The following DOCK3 variants were observed in gnomAD, a reference collection of about 807,000 sequenced individuals.
The protein encoded by DOCK3 is dedicator of cytokinesis 3.
A neutral mutation model predicts 265.6 loss-of-function variants in DOCK3; 60 were observed. That is an observed-to-expected ratio of 0.23 (90% CI 0.18 to 0.28). The LOEUF is 0.28. Among genes scored for constraint, DOCK3 ranks in the 10% least tolerant of loss-of-function variants. The pLI is 1.00. For synonymous variants in DOCK3, 881 were observed against 938.0 expected (o/e 0.94, Z 1.11); for missense variants, 1,981 against 2,594.3 (o/e 0.76, Z 5.14).
chr3:50,870,394 G>A (rs1364286626), intron 3 of DOCK3, among the ~76,000 whole-genome samples: 1 of 151,942 alleles, frequency 6.6e-6, no homozygotes, highest in East Asian at 1.9e-4. Flanking sequence ...TATAATTTTT[G>A]TCTTGAAATC....
At chr3:51,182,975 T>A (rs956943513) in intron 12 of DOCK3, among the ~76,000 whole-genome samples, 1 of 152,236 alleles carries the variant, frequency 6.6e-6, no homozygotes, top group African/African-American at 2.4e-5. Context: ...GTTTTTATAC[T>A]AATCCTGGCT....
intron 32 of DOCK3, among the ~76,000 whole-genome samples, chr3:51,328,627 G>A (rs890266860): frequency 6.6e-6 from 1 of 151,054 alleles, no homozygotes; most frequent in Non-Finnish European, 1.5e-5. Context: ...AAAAAGAGAG[G>A]CTATATTTAT....
Position 51,348,896 on chromosome 3 carries a change from G to C in DOCK3, c.3960G>C (p.Gln1320His). Residue 1320 changes from glutamine to histidine, a missense_variant, in exon 39 of 53, where the codon CAG (glutamine) becomes CAC (histidine). Gln to His is a conservative substitution (Grantham distance 24, BLOSUM62 0). Coordinates refer to ENST00000266037, the MANE Select transcript of DOCK3 (RefSeq NM_004947.5). ...GIPLCRELACQYESLYDYQSL... is the reference protein window; with the variant it reads ...GIPLCRELACHYESLYDYQSL... ...CACTGTGCAGGGAGCTGGCGTGTCA[G>C]TACGAGAGCCTCTATGATTACCAGA... The C allele has an allele frequency of 6.3e-7, 1 of 1,585,124 alleles. No individual in the cohort carries two copies. The highest frequency in any genetic ancestry group is 8.6e-7 in the Non-Finnish European group (1 of 1,165,470).
chr3:50,775,807 G>A (rs922044610), intron 1 of DOCK3, among the ~76,000 whole-genome samples: 10 of 151,452 alleles, frequency 6.6e-5, no homozygotes, highest in Non-Finnish European at 1.2e-4. Context: ...TCCTCATAGC[G>A]TAGCTCCCAC....
chr3:50,937,015 G>A (rs924251505), intron 5 of DOCK3, among the ~76,000 whole-genome samples: 4 of 152,190 alleles, frequency 2.6e-5, no homozygotes, highest in Admixed American at 6.5e-5. Flanking sequence ...GGTGGCTCAT[G>A]CCTGTAATCC....
At chr3:50,873,590 C>G (rs754952866) in intron 3 of DOCK3, among the ~76,000 whole-genome samples, 1 of 152,190 alleles carries the variant, frequency 6.6e-6, no homozygotes. Flanking sequence ...TCCACTGGCT[C>G]AGGGCCTGGT....
intron 9 of DOCK3, among the ~76,000 whole-genome samples, chr3:51,095,627 T>C (rs920819714): frequency 6.6e-6 from 1 of 151,906 alleles, no homozygotes; most frequent in Admixed American, 6.6e-5. Flanking sequence ...TTACATTTGA[T>C]CTTTATCTTC....
At chr3:51,305,588 AC>A (rs1249973382) in intron 27 of DOCK3, among the ~76,000 whole-genome samples, 1 of 151,976 alleles carries the variant, frequency 6.6e-6, no homozygotes, top group African/African-American at 2.4e-5. Context: ...TAGGTTTTAC[AC>A]CTGCCATTTT....
intron 12 of DOCK3, among the ~76,000 whole-genome samples, chr3:51,184,738 T>G (rs1396921458): frequency 6.6e-6 from 1 of 152,152 alleles, no homozygotes; most frequent in Non-Finnish European, 1.5e-5. Flanking sequence ...CCCCACTCCT[T>G]AAGTGTGAGA....
chr3:51,214,747 T>C (rs2089689095), intron 14 of DOCK3, among the ~76,000 whole-genome samples: 1 of 152,164 alleles, frequency 6.6e-6, no homozygotes, highest in Non-Finnish European at 1.5e-5. Flanking sequence ...AATTAGACAT[T>C]GTGAATATAC....
At chr3:51,174,072 G>A (rs535037539) in intron 12 of DOCK3, among the ~76,000 whole-genome samples, 17 of 152,162 alleles carry the variant, frequency 1.1e-4, no homozygotes, top group African/African-American at 1.7e-4. Context: ...GTCTGCTGTC[G>A]AAGCTTTCTG....
chr3:51,014,713 A>T (rs2108793654), intron 5 of DOCK3, among the ~76,000 whole-genome samples: 1 of 152,080 alleles, frequency 6.6e-6, no homozygotes, highest in Middle Eastern at 3.4e-3. Flanking sequence ...TTTTATAGGG[A>T]TTGCATTGAA....
At chr3:51,103,571 C>T (rs886690274) in intron 9 of DOCK3, among the ~76,000 whole-genome samples, 5 of 152,220 alleles carry the variant, frequency 3.3e-5, no homozygotes, top group Non-Finnish European at 5.9e-5. Flanking sequence ...GTGCAATAGT[C>T]TCATAGAAGG....
chr3:50,990,897 A>G (rs1022010531), intron 5 of DOCK3, among the ~76,000 whole-genome samples: 18 of 152,150 alleles, frequency 1.2e-4, no homozygotes, highest in South Asian at 2.1e-4. Flanking sequence ...CCACTAACTC[A>G]AATGTTAATC....
rs561064671 is a variant in DOCK3 at position 50,930,423 on chromosome 3, G to A, written c.219-3558G>A. ...CTCCCTGCCCACAAGAGCCCAGGGA[G>A]ACCCAGGTCCACAACCCTGACTTGG... On this transcript the variant is annotated intron_variant, in intron 4 of 52. Coordinates refer to ENST00000266037, the MANE Select transcript of DOCK3 (RefSeq NM_004947.5). 4.1e-4 allele frequency among the ~76,000 whole-genome samples: 62 copies of A among 152,318 alleles called. 1 individual carries two copies. The South Asian group carries it at 0.013, about 31-fold the overall frequency.
intron 32 of DOCK3, among the ~76,000 whole-genome samples, chr3:51,329,733 G>A (rs565740288): frequency 6.6e-6 from 1 of 152,270 alleles, no homozygotes; most frequent in South Asian, 2.1e-4. Flanking sequence ...TTTTTGACTG[G>A]CTGACTACAG....
intron 2 of DOCK3, among the ~76,000 whole-genome samples, chr3:50,837,682 A>G (rs2045588233): frequency 1.3e-5 from 2 of 152,100 alleles, no homozygotes; most frequent in African/African-American, 4.8e-5. Context: ...CTGTGTATTT[A>G]TATAGGATGA....
chr3:51,056,327 C>T (rs1021680983), intron 5 of DOCK3, among the ~76,000 whole-genome samples: 2 of 152,222 alleles, frequency 1.3e-5, no homozygotes, highest in Middle Eastern at 3.2e-3. Flanking sequence ...CGGCTCACTG[C>T]AAGCTCTGCC....
intron 5 of DOCK3, among the ~76,000 whole-genome samples, chr3:51,033,331 C>A (rs769255310): frequency 6.6e-6 from 1 of 152,184 alleles, no homozygotes; most frequent in Non-Finnish European, 1.5e-5. Context: ...AGAAAGTAAA[C>A]AAGCAAAATG....
Sources: allele counts gnomAD v4.1 joint callset (sites outside exome capture counted in the v4.1 genomes callset), GRCh38; gene constraint gnomAD v4.1.1; transcripts MANE v1.5; gene names NCBI Gene and HGNC (gene_info 2026-07-23, HGNC 2026-07-21).